RFC3: variants seen among roughly 807,000 people sequenced by gnomAD.
RFC3 encodes the protein A1 38 kDa subunit.
Under a neutral mutation model 45.1 loss-of-function variants are expected in RFC3, and 41 were observed. The observed-to-expected ratio is 0.91, with a 90% CI of 0.71 to 1.18. RFC3 has a LOEUF of 1.18. RFC3 is among the 50% of genes most tolerant of loss of function. The probability of loss-of-function intolerance (pLI) is 0.00; values close to 1 mark genes in which losing one functional copy is unlikely to be tolerated. For missense variants in RFC3, 423 were observed against 428.1 expected (o/e 0.99, Z 0.10); for synonymous variants, 149 against 144.0 (o/e 1.03, Z -0.25).
At chr13:33,916,495 G>C (rs978116048) in intron 8 of RFC3, among the ~76,000 whole-genome samples, 1 of 152,134 alleles carries the variant, frequency 6.6e-6, no homozygotes, top group Non-Finnish European at 1.5e-5. Context: ...TGGGTAGAAA[G>C]CATTCTGCAT....
In RFC3 at chr13:33,837,090, C is replaced by T. The variant is rs945928704; in HGVS notation, c.*795C>T. On this transcript the variant is annotated 3_prime_UTR_variant, in exon 9 of 9. Coordinates refer to ENST00000380071, the MANE Select transcript of RFC3 (RefSeq NM_002915.4). ...CAGACTCCGAACAATTCCTTTACTA[C>T]GAAGTATAATTTATAAAATAAAATA... The T allele has an allele frequency of 1.1e-5, 11 of 965,594 alleles. No homozygotes were observed. Among genetic ancestry groups the T allele is most frequent in the South Asian group, 4.8e-5 (1 of 20,908 alleles). The allele number at this position is 965,594 out of a possible 1,614,324, so 59.8% of individuals were successfully genotyped here.
chr13:33,925,559 C>CATAGTGTACTATATACATACATAT (rs1225009039), intron 8 of RFC3, among the ~76,000 whole-genome samples: 2,355 of 117,932 alleles, frequency 0.02, 845 homozygotes, highest in African/African-American at 0.071. Context: ...TACATACATA[C>CATAGTGTACTATATACATACATAT]ATAGTGTACT....
chr13:33,833,219 G>T (rs966751114), intron 7 of RFC3, among the ~76,000 whole-genome samples: 1 of 151,974 alleles, frequency 6.6e-6, no homozygotes, highest in South Asian at 2.1e-4. Context: ...AATATTTGTG[G>T]TCTCGATTTT....
chr13:33,909,828 C>T (rs1395861312), intron 8 of RFC3, among the ~76,000 whole-genome samples: 1 of 152,038 alleles, frequency 6.6e-6, no homozygotes, highest in Non-Finnish European at 1.5e-5. Context: ...AAAGATTGTT[C>T]AGGGCATTTG....
intron 8 of RFC3, among the ~76,000 whole-genome samples, chr13:33,879,332 C>T (rs960992653): frequency 1.3e-5 from 2 of 152,136 alleles, no homozygotes; most frequent in African/African-American, 2.4e-5. Context: ...TTTCCTTGCC[C>T]GTTTCCTGAA....
intron 8 of RFC3, among the ~76,000 whole-genome samples, chr13:33,929,764 T>G (rs1249371263): frequency 6.6e-6 from 1 of 152,114 alleles, no homozygotes; most frequent in Non-Finnish European, 1.5e-5. Flanking sequence ...AGTAATTTTC[T>G]GAACTTTCCC....
At chr13:33,925,039 T>C (rs895615329) in intron 8 of RFC3, among the ~76,000 whole-genome samples, 15 of 149,750 alleles carry the variant, frequency 1.0e-4, no homozygotes, top group African/African-American at 3.7e-4. Context: ...TACATATATA[T>C]AGTGTACATA....
intron 8 of RFC3, among the ~76,000 whole-genome samples, chr13:33,906,988 G>A (rs1237949027): frequency 6.6e-6 from 1 of 151,980 alleles, no homozygotes; most frequent in African/African-American, 2.4e-5. Context: ...GCTACCATGC[G>A]TGGCTAATTT....
chr13:33,823,347 A>G (rs1324889864), intron 2 of RFC3, among the ~76,000 whole-genome samples: 2 of 152,190 alleles, frequency 1.3e-5, no homozygotes, highest in African/African-American at 4.8e-5. Context: ...GTACAGAGAT[A>G]TTAATTGTGG....
intron 8 of RFC3, among the ~76,000 whole-genome samples, chr13:33,922,759 G>C (rs760302421): frequency 6.6e-6 from 1 of 152,122 alleles, no homozygotes; most frequent in African/African-American, 2.4e-5. Context: ...TTAGGCACGA[G>C]GGCTCTATAG....
At chr13:33,931,910 G>A (rs182647692) in intron 8 of RFC3, among the ~76,000 whole-genome samples, 1 of 152,148 alleles carries the variant, frequency 6.6e-6, no homozygotes, top group East Asian at 1.9e-4. Flanking sequence ...ATTTTCCTAA[G>A]TGACAATTTT....
intron 8 of RFC3, among the ~76,000 whole-genome samples, chr13:33,948,177 A>C (rs2082965872): frequency 6.6e-6 from 1 of 152,144 alleles, no homozygotes; most frequent in African/African-American, 2.4e-5. Context: ...TGCTCCATGC[A>C]GCCTTGGGAC....
At chr13:33,974,419 G>A in the RFC3 span, among the ~76,000 whole-genome samples, 1 of 152,120 alleles carries the variant, frequency 6.6e-6, no homozygotes, top group Non-Finnish European at 1.5e-5. Flanking sequence ...GGCCCAGACT[G>A]CTGTTTTCTC....
intron 8 of RFC3, among the ~76,000 whole-genome samples, chr13:33,896,711 CAAAAAAAAAAAAAAAAAAA>C (rs56129519): frequency 2.4e-5 from 1 of 42,102 alleles, no homozygotes; most frequent in African/African-American, 6.6e-5. Context: ...GACTTTGTCT[CAAAAAAAAAAAAAAAAAAA>C]AAAAAAAAAA....
At chr13:33,824,506 A>G (rs921845098) in intron 3 of RFC3, among the ~76,000 whole-genome samples, 1 of 152,158 alleles carries the variant, frequency 6.6e-6, no homozygotes. Context: ...TGCAATAGCT[A>G]TTAAGCATTA....
chr13:33,967,037 G>A (rs1162519579), downstream of RFC3, among the ~76,000 whole-genome samples: 1 of 151,836 alleles, frequency 6.6e-6, no homozygotes, highest in Non-Finnish European at 1.5e-5. Flanking sequence ...GCCGCTTGTG[G>A]TCCCAGTTAC....
Position 33,818,160 on chromosome 13 carries a change from C to A in RFC3, c.-19C>A. 6.2e-7 allele frequency: 1 copy of A among 1,607,946 alleles called. No individual in the cohort carries two copies. On this transcript the variant is annotated 5_prime_UTR_variant, in exon 1 of 9. Transcript: ENST00000380071. ...CGCGCGGGATTTTCAAGCGTAGGCC[C>A]CCGGGAACTCGAGCTGCCATGAGCC...
At chr13:33,966,252 C>T in exon 9 of RFC3, 1 of 740,840 alleles carries the variant, frequency 1.3e-6, no homozygotes, top group Non-Finnish European at 2.4e-6. Context: ...GATTCAGACT[C>T]CAGCCTGAAT....
downstream of RFC3, among the ~76,000 whole-genome samples, chr13:33,840,694 T>G (rs1225805535): frequency 1.9e-5 from 2 of 104,768 alleles, no homozygotes; most frequent in East Asian, 2.5e-4. Context: ...TATACGTAGT[T>G]TTTTTTTCAA....
Sources: allele counts gnomAD v4.1 joint callset (sites outside exome capture counted in the v4.1 genomes callset), GRCh38; gene constraint gnomAD v4.1.1; transcripts MANE v1.5; gene names NCBI Gene and HGNC (gene_info 2026-07-23, HGNC 2026-07-21).